PRSS23: variants seen among roughly 807,000 people sequenced by gnomAD.
The protein encoded by PRSS23 is serine protease 23, also known as protease, serine 23.
In PRSS23, 25 loss-of-function variants were observed where a neutral mutation model predicts 34.7. That is an observed-to-expected ratio of 0.72 (90% CI 0.53 to 1.01). PRSS23 has a LOEUF of 1.01. Ranked by LOEUF, PRSS23 falls within the 50% of genes least tolerant of loss-of-function variation. The pLI is 0.00. For missense variants in PRSS23, 445 were observed against 475.6 expected (o/e 0.94, Z 0.60); for synonymous variants, 176 against 186.6 (o/e 0.94, Z 0.46).
chr11:86,892,006 G>T (rs1948844766), intron 2 of PRSS23, among the ~76,000 whole-genome samples: 1 of 152,140 alleles, frequency 6.6e-6, no homozygotes, highest in Non-Finnish European at 1.5e-5. Flanking sequence ...CTTTATAGCA[G>T]TGTGAAAACA....
chr11:86,899,742 G>A (rs560837867), intron 2 of PRSS23, among the ~76,000 whole-genome samples: 41 of 151,554 alleles, frequency 2.7e-4, no homozygotes, highest in Non-Finnish European at 4.9e-4. Context: ...GGTCTCGATC[G>A]CCTGACCTCG....
At chr11:86,804,323 T>C (rs548849018) in intron 1 of PRSS23, among the ~76,000 whole-genome samples, 1 of 152,320 alleles carries the variant, frequency 6.6e-6, no homozygotes, top group East Asian at 1.9e-4. Flanking sequence ...TGGGCATTAG[T>C]TTCTAAAAGT....
At chr11:86,856,381 G>C (rs1405375635) in intron 2 of PRSS23, among the ~76,000 whole-genome samples, 1 of 151,660 alleles carries the variant, frequency 6.6e-6, no homozygotes, top group East Asian at 1.9e-4. Flanking sequence ...GGAATGTCAG[G>C]TAATGAGACC....
intron 2 of PRSS23, among the ~76,000 whole-genome samples, chr11:86,876,744 C>T (rs1010436260): frequency 1.0e-4 from 15 of 145,112 alleles, no homozygotes; most frequent in African/African-American, 2.3e-4. Flanking sequence ...AAAAAAAAAA[C>T]GAAGCAATTT....
intron 2 of PRSS23, among the ~76,000 whole-genome samples, chr11:86,920,406 C>A (rs540620062): frequency 1.3e-5 from 2 of 152,260 alleles, no homozygotes; most frequent in South Asian, 2.1e-4. Context: ...TTTTCAAGAC[C>A]CTGTTCTTGT....
intron 2 of PRSS23, among the ~76,000 whole-genome samples, chr11:86,826,977 A>G (rs1260073763): frequency 1.6e-4 from 24 of 151,934 alleles, no homozygotes; most frequent in Middle Eastern, 3.4e-3. Flanking sequence ...GTCTCTGCCC[A>G]GCTTTGGTAT....
At position 86,808,585 on chromosome 11, in the gene PRSS23, G is replaced by A. The variant is rs758606224; in HGVS notation, c.942G>A (p.Gly314=). The change falls in exon 2 of 2, where the codon GGG becomes GGA. Residue 314 remains glycine (G), a synonymous_variant. Transcript: ENST00000280258. ...LLYQQCDAQP[G]ASGSGVYVRM... Reference sequence around the variant, plus strand: ...ACCAGCAATGCGATGCCCAGCCAGGGGCCAGCGGGTCTGGGGTCTATGTGA... The same window carrying A: ...ACCAGCAATGCGATGCCCAGCCAGGAGCCAGCGGGTCTGGGGTCTATGTGA... The A allele has an allele frequency of 5.1e-5, 82 of 1,614,098 alleles. No homozygotes were observed. Among genetic ancestry groups the A allele is most frequent in the Non-Finnish European group, 6.4e-5 (76 of 1,180,046 alleles).
At chr11:86,854,353 G>T (rs1948553805) in intron 2 of PRSS23, among the ~76,000 whole-genome samples, 1 of 152,128 alleles carries the variant, frequency 6.6e-6, no homozygotes, top group Non-Finnish European at 1.5e-5. Flanking sequence ...ATTGTTAATG[G>T]GATGCCTTGG....
At chr11:86,884,560 C>A (rs577550185) in intron 2 of PRSS23, among the ~76,000 whole-genome samples, 1 of 152,268 alleles carries the variant, frequency 6.6e-6, no homozygotes, top group South Asian at 2.1e-4. Context: ...ACCTGGCCTC[C>A]CAAAGTGCTG....
chr11:86,895,477 C>CTTTTTTTTT (rs71040269), intron 2 of PRSS23, among the ~76,000 whole-genome samples: 38 of 86,606 alleles, frequency 4.4e-4, no homozygotes, highest in Non-Finnish European at 5.4e-4. Context: ...TTATTTTATC[C>CTTTTTTTTT]TTTTTTTTTT....
At chr11:86,835,668 T>C (rs1448275849) in intron 2 of PRSS23, among the ~76,000 whole-genome samples, 1 of 152,302 alleles carries the variant, frequency 6.6e-6, no homozygotes, top group East Asian at 1.9e-4. Flanking sequence ...TAGGATGAGA[T>C]TAAGCCAGTA....
downstream of PRSS23, among the ~76,000 whole-genome samples, chr11:86,814,393 G>A (rs1939111): frequency 0.15 from 22,398 of 151,970 alleles, 2,237 homozygotes; most frequent in East Asian, 0.42. Flanking sequence ...CAGTAAGGAA[G>A]CTGGTAAGAA....
At position 86,823,723 on chromosome 11, in the gene PRSS23, C is replaced by G; in HGVS notation, c.206+130C>G. 6.2e-6 allele frequency: 4 copies of G among 640,958 alleles called. No homozygotes were observed. In the East Asian group the frequency reaches 1.1e-4, roughly 18 times the overall value. The allele number at this position is 640,958 out of a possible 1,614,324, so 39.7% of individuals were successfully genotyped here. On this transcript the variant is annotated intron_variant, in intron 2 of 2. Coordinates refer to the PRSS23 transcript ENST00000533902. Reference sequence around the variant, plus strand: ...CATTGGTTTCATCAAGAATTCAGAGCAGGCCGGGCGCGGTGGCTCACGCCT... The same window carrying G: ...CATTGGTTTCATCAAGAATTCAGAGGAGGCCGGGCGCGGTGGCTCACGCCT...
chr11:86,942,240 A>G (rs1205806852), intron 2 of PRSS23, among the ~76,000 whole-genome samples: 7 of 152,226 alleles, frequency 4.6e-5, no homozygotes, highest in African/African-American at 1.7e-4. Context: ...AGATGACCCA[A>G]GGCTTTAAAA....
chr11:86,818,005 C>G (rs1486452864), intron 1 of PRSS23, among the ~76,000 whole-genome samples: 1 of 152,168 alleles, frequency 6.6e-6, no homozygotes, highest in East Asian at 1.9e-4. Context: ...ACTAACCATG[C>G]CTCCAGATTG....
chr11:86,923,847 C>T (rs1949062948), intron 2 of PRSS23, among the ~76,000 whole-genome samples: 1 of 152,148 alleles, frequency 6.6e-6, no homozygotes, highest in African/African-American at 2.4e-5. Flanking sequence ...AATCTTTTCC[C>T]GTTTTCTCCA....
rs1948266592 is a variant in PRSS23 at position 86,823,223 on chromosome 11, A to G, written c.-11-154A>G. ...CAGTTCCTATTTCTTTTACTTTAGT[A>G]TTCCTAATCTGTAAAAGCATCATAA... On this transcript the variant is annotated intron_variant, in intron 1 of 2. Coordinates refer to the PRSS23 transcript ENST00000533902. The G allele has an allele frequency of 6.6e-6, 4 of 607,608 alleles. No individual in the cohort carries two copies. The South Asian group carries it at 8.0e-5, about 12-fold the overall frequency. The allele number at this position is 607,608 out of a possible 1,614,324, so 37.6% of individuals were successfully genotyped here. A position where few individuals can be genotyped will look rare whatever the true frequency, so the allele number is the denominator to read the frequency against.
intron 2 of PRSS23, among the ~76,000 whole-genome samples, chr11:86,861,643 A>G (rs1024739985): frequency 6.6e-6 from 1 of 151,426 alleles, no homozygotes; most frequent in African/African-American, 2.4e-5. Context: ...TACTCTTCAT[A>G]TTGCAGGGAG....
intron 2 of PRSS23, among the ~76,000 whole-genome samples, chr11:86,861,809 G>A (rs1391634933): frequency 2.6e-5 from 4 of 151,576 alleles, no homozygotes; most frequent in Non-Finnish European, 5.9e-5. Flanking sequence ...GGGTGTACAC[G>A]CCTTTGTGAT....
Sources: gnomAD v4.1 joint callset for allele counts (sites outside exome capture counted in the v4.1 genomes callset) on GRCh38, gnomAD v4.1.1 for gene constraint, MANE v1.5 for transcripts, NCBI Gene and HGNC (gene_info 2026-07-23, HGNC 2026-07-21) for gene names.